MCF2L2: variants seen among roughly 807,000 people sequenced by gnomAD.
MCF2L2 encodes the protein MCF.2 cell line derived transforming sequence-like 2, also known as probable guanine nucleotide exchange factor MCF2L2.
In MCF2L2, 102 loss-of-function variants were observed where a neutral mutation model predicts 150.2. The observed-to-expected ratio is 0.68, with a 90% confidence interval of 0.58 to 0.80. MCF2L2 has a LOEUF of 0.80. Ranked by LOEUF, MCF2L2 falls within the 30% of genes least tolerant of loss-of-function variation. MCF2L2 has a pLI of 0.00. For synonymous variants in MCF2L2, 465 were observed against 491.3 expected (o/e 0.95, Z 0.71); for missense variants, 1,256 against 1,372.8 (o/e 0.91, Z 1.34).
chr3:183,401,196 T>C (rs146327328), intron 1 of MCF2L2, among the ~76,000 whole-genome samples: 236 of 152,340 alleles, frequency 1.5e-3, no homozygotes, highest in Non-Finnish European at 2.6e-3. Flanking sequence ...GATGATATAC[T>C]CAGAGAGAGG....
chr3:183,377,198 C>T (rs1230360100), intron 3 of MCF2L2: 2 of 152,108 alleles, frequency 1.3e-5, no homozygotes, highest in Non-Finnish European at 2.9e-5. Flanking sequence ...CCCTCGTCCC[C>T]GACCCTCCAA....
intron 25 of MCF2L2, among the ~76,000 whole-genome samples, chr3:183,200,109 AG>A (rs1365006008): frequency 1.3e-5 from 2 of 152,190 alleles, no homozygotes; most frequent in African/African-American, 2.4e-5. Context: ...TCTTTATAGC[AG>A]CATGATTTAT....
chr3:183,356,587 G>C (rs763125515), intron 3 of MCF2L2, among the ~76,000 whole-genome samples: 3 of 152,118 alleles, frequency 2.0e-5, no homozygotes, highest in African/African-American at 4.8e-5. Context: ...TCTATTTATA[G>C]GACCCACTCA....
At chr3:183,198,696 G>A (rs1722155621) in intron 25 of MCF2L2, among the ~76,000 whole-genome samples, 1 of 152,170 alleles carries the variant, frequency 6.6e-6, no homozygotes, top group Admixed American at 6.5e-5. Flanking sequence ...CTATTCTATA[G>A]TTCTGGGGTG....
chr3:183,411,734 A>G (rs1265761439), intron 1 of MCF2L2, among the ~76,000 whole-genome samples: 1 of 152,128 alleles, frequency 6.6e-6, no homozygotes, highest in Non-Finnish European at 1.5e-5. Flanking sequence ...AGACTCCCTG[A>G]CATCAGAGGT....
intron 6 of MCF2L2, among the ~76,000 whole-genome samples, chr3:183,322,727 C>T (rs1729863787): frequency 6.6e-6 from 1 of 152,132 alleles, no homozygotes; most frequent in Non-Finnish European, 1.5e-5. Context: ...ACAGTTGATC[C>T]TGTCACCCAG....
chr3:183,338,910 G>A lies in MCF2L2; in HGVS notation c.376C>T (p.Pro126Ser). 6.3e-7 allele frequency: 1 copy of A among 1,598,076 alleles called. No homozygotes were observed. Residue 126 changes from proline to serine, a missense_variant, in exon 5 of 30, where the codon CCA becomes TCA. Coordinates refer to ENST00000328913, the MANE Select transcript of MCF2L2 (RefSeq NM_015078.4). ...ATGAATATGAGCTGTAAGTTTCCTG[G>A]AAATGCCACCTGCAAGCATCAGGAA... ...ASLTRIAVAF[P>S]GNLQLIFILR... is the part of the protein sequence containing the mutation.
intron 6 of MCF2L2, among the ~76,000 whole-genome samples, chr3:183,322,685 T>C (rs1348225889): frequency 1.3e-5 from 2 of 152,198 alleles, no homozygotes; most frequent in African/African-American, 4.8e-5. Context: ...GTTTGTTACA[T>C]GGGTATATTG....
In MCF2L2 at chr3:183,231,172, C is replaced by G. The variant is rs886169610; in HGVS notation, c.1863-155G>C. ...GGTCAGTTCATTCTGTTCTATTGAA[C>G]ACCCAAGGTCAGCATCTCACAAACG... is the stretch of plus-strand genomic sequence containing the variant. On this transcript the variant is annotated intron_variant, in intron 15 of 29. Coordinates refer to ENST00000328913, the MANE Select transcript of MCF2L2 (RefSeq NM_015078.4). The G allele has an allele frequency of 1.0e-5, 7 of 696,908 alleles. No individual in the cohort carries two copies. In the African/African-American group the frequency reaches 1.2e-4, roughly 12 times the overall value. 43.2% of individuals were successfully genotyped at this position (696,908 alleles called of 1,614,324 possible).
At chr3:183,404,239 T>C (rs1317532544) in intron 1 of MCF2L2, among the ~76,000 whole-genome samples, 1 of 152,312 alleles carries the variant, frequency 6.6e-6, no homozygotes, top group East Asian at 1.9e-4. Flanking sequence ...TTTTTAAAAT[T>C]CATTAAAATG....
At chr3:183,416,487 T>C (rs1311308109) in intron 1 of MCF2L2, among the ~76,000 whole-genome samples, 2 of 152,182 alleles carry the variant, frequency 1.3e-5, no homozygotes, top group Non-Finnish European at 2.9e-5. Flanking sequence ...TATGCAGACA[T>C]TCCTCAACTT....
rs114636302 is a variant in MCF2L2, at chr3:183,297,037, G to A, written c.1436C>T (p.Pro479Leu). The change falls in exon 12 of 30, where the codon CCG becomes CTG. Residue 479 changes from proline to leucine, a missense_variant. Transcript: ENST00000328913. ...GTAAAACTCCTTGGGGCTGAGCAACGGGTACTCCTTGACTGTGCCCAGGAA... is the reference window on the plus strand; with the variant it reads ...GTAAAACTCCTTGGGGCTGAGCAACAGGTACTCCTTGACTGTGCCCAGGAA... ...ATFLGTVKEYPLLSPKEFYNE... is the reference protein window; with the variant it reads ...ATFLGTVKEYLLLSPKEFYNE... The A allele has an allele frequency of 1.3e-4, 208 of 1,614,082 alleles. No homozygotes were observed. The African/African-American group carries it at 2.4e-3, about 18-fold the overall frequency.
At chr3:183,293,133 A>G (rs1728260715) in intron 13 of MCF2L2, among the ~76,000 whole-genome samples, 1 of 152,210 alleles carries the variant, frequency 6.6e-6, no homozygotes, top group African/African-American at 2.4e-5. Flanking sequence ...CTTTAAATAC[A>G]AAGACAGAAG....
intron 1 of MCF2L2, among the ~76,000 whole-genome samples, chr3:183,426,961 C>T (rs57524858): frequency 0.013 from 1,937 of 152,276 alleles, 44 homozygotes; most frequent in African/African-American, 0.044. Flanking sequence ...ATTTAACATG[C>T]AAGTACCAAG....
intron 15 of MCF2L2, among the ~76,000 whole-genome samples, chr3:183,254,959 CTT>C (rs1202281240): frequency 6.6e-6 from 1 of 152,214 alleles, no homozygotes; most frequent in East Asian, 1.9e-4. Flanking sequence ...CAACTCGACT[CTT>C]GACTACACCC....
Position 183,311,127 on chromosome 3 carries a change from G to A in MCF2L2, c.879-98C>T, listed in dbSNP as rs1729358953. ...TAGAACACCTGTGTCTTCGGTCAGT[G>A]GTGTCAATTGTGACCATCTCATTAT... On this transcript the variant is annotated intron_variant, in intron 8 of 29. Coordinates refer to ENST00000328913, the MANE Select transcript of MCF2L2 (RefSeq NM_015078.4). 10 of 672,600 alleles carry A rather than the reference G, an allele frequency of 1.5e-5. No individual in the cohort carries two copies. In the South Asian group the frequency reaches 1.8e-4, roughly 12 times the overall value. 41.7% of individuals were successfully genotyped at this position (672,600 alleles called of 1,614,324 possible).
chr3:183,280,377 G>A (rs1311712875), intron 14 of MCF2L2, among the ~76,000 whole-genome samples: 2 of 151,322 alleles, frequency 1.3e-5, no homozygotes, highest in Non-Finnish European at 2.9e-5. Context: ...CTTAGATTTT[G>A]AAAAGTCCCA....
chr3:183,185,489 G>T (rs754486380), intron 27 of MCF2L2, among the ~76,000 whole-genome samples: 6 of 152,222 alleles, frequency 3.9e-5, no homozygotes, highest in Non-Finnish European at 7.3e-5. Flanking sequence ...ATGATAAAAA[G>T]AACTTAAGCA....
chr3:183,184,382 G>A (rs756601702), intron 27 of MCF2L2, among the ~76,000 whole-genome samples: 4 of 152,184 alleles, frequency 2.6e-5, no homozygotes, highest in Non-Finnish European at 5.9e-5. Flanking sequence ...TTTTGTCCCA[G>A]CCAAGATCTA....
Sources: allele counts gnomAD v4.1 joint callset (sites outside exome capture counted in the v4.1 genomes callset), GRCh38; gene constraint gnomAD v4.1.1; transcripts MANE v1.5; gene names NCBI Gene and HGNC (gene_info 2026-07-23, HGNC 2026-07-21).